Variants in RBFOX3 observed in about 807,000 individuals in gnomAD.
RBFOX3 encodes the protein RNA binding protein fox-1 homolog 3.
Under a neutral mutation model 48.7 loss-of-function variants are expected in RBFOX3, and 17 were observed. The observed-to-expected ratio is 0.35, with a 90% CI of 0.24 to 0.52. The LOEUF (loss-of-function observed/expected upper bound fraction) is 0.52, where lower values mean the gene tolerates loss of function less well. RBFOX3 is among the 20% of genes least tolerant of loss of function. RBFOX3 has a pLI of 0.94. For synonymous variants in RBFOX3, 212 were observed against 209.5 expected (o/e 1.01, Z -0.10); for missense variants, 382 against 497.5 (o/e 0.77, Z 2.21).
intron 4 of RBFOX3, among the ~76,000 whole-genome samples, chr17:79,223,537 T>C (rs1339993163): frequency 6.6e-6 from 1 of 152,224 alleles, no homozygotes; most frequent in African/African-American, 2.4e-5. Flanking sequence ...CTGCAGATCC[T>C]GGCATGGAAA....
chr17:79,531,006 G>A (rs2150080413), intron 1 of RBFOX3, among the ~76,000 whole-genome samples: 1 of 152,350 alleles, frequency 6.6e-6, no homozygotes, highest in African/African-American at 2.4e-5. Flanking sequence ...GTGGGCTGCT[G>A]GTATTCTTGG....
chr17:79,367,000 C>T (rs2057858258), intron 2 of RBFOX3, among the ~76,000 whole-genome samples: 2 of 152,324 alleles, frequency 1.3e-5, no homozygotes, highest in South Asian at 2.1e-4. Flanking sequence ...CATTTTGCCT[C>T]AAGGTGGGGC....
chr17:79,575,930 T>C (rs1360927353), intron 1 of RBFOX3, among the ~76,000 whole-genome samples: 1 of 152,242 alleles, frequency 6.6e-6, no homozygotes, highest in Non-Finnish European at 1.5e-5. Flanking sequence ...TCGCCAGTCC[T>C]GTTGGGAGCT....
At chr17:79,530,690 T>TGCC (rs1478971862) in intron 1 of RBFOX3, among the ~76,000 whole-genome samples, 1 of 151,934 alleles carries the variant, frequency 6.6e-6, no homozygotes, top group African/African-American at 2.4e-5. Flanking sequence ...AGCCCTCGGG[T>TGCC]GCCTGCAATA....
At chr17:79,153,950 G>A (rs1308279853) in intron 4 of RBFOX3, among the ~76,000 whole-genome samples, 1 of 152,204 alleles carries the variant, frequency 6.6e-6, no homozygotes, top group Non-Finnish European at 1.5e-5. Flanking sequence ...TTGAGGGGAT[G>A]GGAGGGGCGG....
intron 4 of RBFOX3, among the ~76,000 whole-genome samples, chr17:79,142,613 G>C (rs1470083145): frequency 7.9e-5 from 12 of 152,132 alleles, no homozygotes; most frequent in Non-Finnish European, 1.8e-4. Flanking sequence ...TGGAGGTGGG[G>C]AGGGGCTGGA....
chr17:79,538,904 C>G (rs2089265521), intron 1 of RBFOX3, among the ~76,000 whole-genome samples: 1 of 152,092 alleles, frequency 6.6e-6, no homozygotes, highest in Non-Finnish European at 1.5e-5. Context: ...AGAAAACCAC[C>G]CCATGGAAAC....
intron 2 of RBFOX3, among the ~76,000 whole-genome samples, chr17:79,440,193 C>G (rs980950915): frequency 2.0e-5 from 3 of 152,244 alleles, no homozygotes; most frequent in Admixed American, 1.3e-4. Flanking sequence ...GCAGCTGAAG[C>G]AGGCACACTG....
chr17:79,297,191 G>A (rs1434109560), intron 3 of RBFOX3, among the ~76,000 whole-genome samples: 10 of 152,090 alleles, frequency 6.6e-5, no homozygotes, highest in African/African-American at 1.2e-4. Flanking sequence ...TCACATAAAA[G>A]CTGAATAAGA....
chr17:79,153,279 G>GC (rs1204438144), intron 4 of RBFOX3, among the ~76,000 whole-genome samples: 11 of 152,354 alleles, frequency 7.2e-5, no homozygotes, highest in Admixed American at 2.0e-4. Context: ...CCCTGTGCTG[G>GC]CCAAGATGTG....
At chr17:79,095,668 T>TG in intron 12 of RBFOX3, 94 bp from the exon 13 acceptor site, 1 of 1,154,210 alleles carries the variant, frequency 8.7e-7, no homozygotes, top group South Asian at 1.4e-5. Context: ...CCTGTGCGGG[T>TG]GGGGCCCTGG....
rs117559768 is a variant in RBFOX3, at chr17:79,549,709, G to A, written c.-320+61117C>T. 4.9e-4 allele frequency among the ~76,000 whole-genome samples: 75 copies of A among 152,322 alleles called. 1 individual carries two copies. In the East Asian group the frequency reaches 0.014, roughly 29 times the overall value. On this transcript the variant is annotated intron_variant, in intron 1 of 14. Transcript: ENST00000693108. ...CACAGCAGGTGCTGCTCCCCAGTGT[G>A]AGCCTCATGCCCTGTCCCTCTGGGA...
chr17:79,329,870 C>T (rs766704970), intron 2 of RBFOX3, among the ~76,000 whole-genome samples: 7 of 152,202 alleles, frequency 4.6e-5, no homozygotes, highest in African/African-American at 7.2e-5. Flanking sequence ...AAGGGTCCCA[C>T]GCAGAGTCCG....
At chr17:79,370,305 C>A (rs572751707) in intron 2 of RBFOX3, among the ~76,000 whole-genome samples, 2 of 152,360 alleles carry the variant, frequency 1.3e-5, no homozygotes, top group Non-Finnish European at 2.9e-5. Context: ...CCAGCAGGGC[C>A]AGAGCCCCAC....
At chr17:79,450,387 C>A (rs1555740823) in intron 2 of RBFOX3, among the ~76,000 whole-genome samples, 1 of 152,146 alleles carries the variant, frequency 6.6e-6, no homozygotes, top group Admixed American at 6.5e-5. Context: ...TATAGGAGCA[C>A]CTCCCTACAG....
intron 4 of RBFOX3, among the ~76,000 whole-genome samples, chr17:79,219,828 TG>T (rs889629790): frequency 6.7e-6 from 1 of 149,598 alleles, no homozygotes; most frequent in African/African-American, 2.5e-5. Flanking sequence ...GAGGGGAGCT[TG>T]TGGGGCTGGG....
At chr17:79,616,608 C>CACAT in the RBFOX3 span, among the ~76,000 whole-genome samples, 2 of 150,774 alleles carry the variant, frequency 1.3e-5, no homozygotes, top group African/African-American at 4.9e-5. Flanking sequence ...CACACACACA[C>CACAT]GTGTTACTAC....
At chr17:79,512,076 T>A (rs1380382522) in intron 1 of RBFOX3, among the ~76,000 whole-genome samples, 2 of 127,582 alleles carry the variant, frequency 1.6e-5, no homozygotes, top group African/African-American at 6.1e-5. Context: ...TACACCCGGA[T>A]ACATATTACC....
intron 4 of RBFOX3, among the ~76,000 whole-genome samples, chr17:79,149,651 G>T (rs1209602859): frequency 1.3e-5 from 2 of 152,068 alleles, no homozygotes; most frequent in Admixed American, 1.3e-4. Context: ...CACTGCAGAA[G>T]GTTGGGGGTG....
Sources: gnomAD v4.1 joint callset for allele counts (sites outside exome capture counted in the v4.1 genomes callset) on GRCh38, gnomAD v4.1.1 for gene constraint, MANE v1.5 for transcripts, NCBI Gene and HGNC (gene_info 2026-07-23, HGNC 2026-07-21) for gene names.